The following SPATA31H1 variants were observed in gnomAD, a reference collection of about 807,000 sequenced individuals.
The protein encoded by SPATA31H1 is SPATA31 subfamily H member 1.
At chr2:27,549,051 C>G in the SPATA31H1 span, among the ~76,000 whole-genome samples, 1,565 of 117,492 alleles carry the variant, frequency 0.013, 16 homozygotes, top group Admixed American at 0.021. Context: ...CCAGCCTGAG[C>G]AACAGAGTGA....
chr2:27,576,553 G>A, the SPATA31H1 span: 1 of 1,530,228 alleles, frequency 6.5e-7, no homozygotes, highest in Non-Finnish European at 8.8e-7. Context: ...TCGAAGCCAT[G>A]CTTTCAAGAT....
At chr2:27,556,960 T>C in the SPATA31H1 span, among the ~76,000 whole-genome samples, 1 of 56,368 alleles carries the variant, frequency 1.8e-5, no homozygotes, top group East Asian at 4.0e-4. Context: ...AAAGCACATC[T>C]TGCACCGCCC....
chr2:27,551,899 T>G, the SPATA31H1 span, among the ~76,000 whole-genome samples: 1 of 151,874 alleles, frequency 6.6e-6, no homozygotes, highest in Non-Finnish European at 1.5e-5. Context: ...CACTGCAACC[T>G]CCGCCTCCTG....
chr2:27,563,186 A>G, the SPATA31H1 span, among the ~76,000 whole-genome samples: 3 of 151,928 alleles, frequency 2.0e-5, no homozygotes, highest in Admixed American at 6.6e-5. Flanking sequence ...ACCTTGGTGA[A>G]TTATTTTATT....
the SPATA31H1 span, chr2:27,571,447 A>G: frequency 2.5e-6 from 1 of 398,372 alleles, no homozygotes; most frequent in African/African-American, 2.1e-5. Flanking sequence ...CCTGATTCTG[A>G]GCTTCAAGGT....
the SPATA31H1 span, among the ~76,000 whole-genome samples, chr2:27,556,636 C>G: frequency 6.8e-6 from 1 of 147,276 alleles, no homozygotes; most frequent in Admixed American, 6.7e-5. Context: ...GTTTTTAGTT[C>G]TTGGCCAAAA....
chr2:27,546,429 C>A, the SPATA31H1 span, among the ~76,000 whole-genome samples: 1 of 151,940 alleles, frequency 6.6e-6, no homozygotes, highest in East Asian at 1.9e-4. Flanking sequence ...CTAATTCTTC[C>A]AGTAGGGCAG....
At chr2:27,539,115 T>C in the SPATA31H1 span, among the ~76,000 whole-genome samples, 3 of 141,242 alleles carry the variant, frequency 2.1e-5, no homozygotes, top group Admixed American at 6.8e-5. Context: ...TTTTTTTTTT[T>C]TTTTTTTTTT....
the SPATA31H1 span, chr2:27,566,053 G>A: frequency 1.4e-6 from 1 of 717,458 alleles, no homozygotes; most frequent in Non-Finnish European, 2.6e-6. Flanking sequence ...GATCCACAGT[G>A]GGAAGAAAAC....
chr2:27,552,750 T>C, the SPATA31H1 span, among the ~76,000 whole-genome samples: 1 of 152,062 alleles, frequency 6.6e-6, no homozygotes, highest in African/African-American at 2.4e-5. Flanking sequence ...TTAGGTCTTC[T>C]TTAGTTTTTC....
chr2:27,560,527 G>A, the SPATA31H1 span, among the ~76,000 whole-genome samples: 1,399 of 149,656 alleles, frequency 9.3e-3, 20 homozygotes, highest in African/African-American at 0.033. Flanking sequence ...GCAAGATCTC[G>A]GCTCACTGCA....
At chr2:27,565,553 T>C in the SPATA31H1 span, 1 of 618,552 alleles carries the variant, frequency 1.6e-6, no homozygotes, top group Admixed American at 3.0e-5. Flanking sequence ...GATATGTATG[T>C]ATACGGCTCC....
chr2:27,546,049 A>G, the SPATA31H1 span, among the ~76,000 whole-genome samples: 1 of 151,976 alleles, frequency 6.6e-6, no homozygotes, highest in Non-Finnish European at 1.5e-5. Context: ...TCTTTTACTT[A>G]ACTGATTTGT....
At chr2:27,537,891 G>A in the SPATA31H1 span, among the ~76,000 whole-genome samples, 1 of 152,170 alleles carries the variant, frequency 6.6e-6, no homozygotes, top group Non-Finnish European at 1.5e-5. Context: ...TTTGAACTAG[G>A]GGGCTCTATA....
At chr2:27,558,921 GGGGGAGGGA>G in the SPATA31H1 span, among the ~76,000 whole-genome samples, 1 of 102,238 alleles carries the variant, frequency 9.8e-6, no homozygotes, top group African/African-American at 4.2e-5. Flanking sequence ...GGGAGAGGGA[GGGGGAGGGA>G]GAGGGAGAGG....
chr2:27,580,032 C>T, the SPATA31H1 span: 11 of 1,614,152 alleles, frequency 6.8e-6, no homozygotes, highest in South Asian at 1.1e-5. Flanking sequence ...CCACCTTGTA[C>T]GCACTCCTGA....
At chr2:27,567,362 G>T in the SPATA31H1 span, 2 of 508,800 alleles carry the variant, frequency 3.9e-6, no homozygotes, top group South Asian at 3.9e-5. Flanking sequence ...GGGCAATGCT[G>T]AATTATATAA....
the SPATA31H1 span, among the ~76,000 whole-genome samples, chr2:27,545,713 C>A: frequency 9.2e-5 from 14 of 151,384 alleles, no homozygotes; most frequent in Non-Finnish European, 2.9e-5. Context: ...TAGCTGGGAC[C>A]ACAGGTGTGC....
At chr2:27,552,497 C>T in the SPATA31H1 span, among the ~76,000 whole-genome samples, 2 of 152,010 alleles carry the variant, frequency 1.3e-5, no homozygotes, top group Non-Finnish European at 2.9e-5. Context: ...ACTACAGCTT[C>T]GTAAGTTTTA....
Sources: allele counts gnomAD v4.1 joint callset (sites outside exome capture counted in the v4.1 genomes callset), GRCh38; gene constraint gnomAD v4.1.1; transcripts MANE v1.5; gene names NCBI Gene and HGNC (gene_info 2026-07-23, HGNC 2026-07-21).